CADPS2: variants seen among roughly 807,000 people sequenced by gnomAD.
The protein encoded by CADPS2 is calcium dependent secretion activator 2.
In CADPS2, 93 loss-of-function variants were observed where a neutral mutation model predicts 172.5. The ratio of observed to expected loss-of-function variants is 0.54; its 90% CI spans 0.46 to 0.64. The LOEUF is 0.64. CADPS2 is among the 30% of genes least tolerant of loss of function. The pLI is 0.00. For synonymous variants in CADPS2, 546 were observed against 555.2 expected (o/e 0.98, Z 0.23); for missense variants, 1,420 against 1,565.9 (o/e 0.91, Z 1.57).
At chr7:122,524,018 G>A (rs2061013907) in intron 8 of CADPS2, among the ~76,000 whole-genome samples, 1 of 152,078 alleles carries the variant, frequency 6.6e-6, no homozygotes, top group South Asian at 2.1e-4. Context: ...GCATCTCTTG[G>A]CAAAAAGTCT....
chr7:122,782,628 C>T (rs1323453227), intron 1 of CADPS2, among the ~76,000 whole-genome samples: 1 of 152,092 alleles, frequency 6.6e-6, no homozygotes, highest in Non-Finnish European at 1.5e-5. Context: ...ACAACAACAA[C>T]AACAAAAAAT....
intron 1 of CADPS2, among the ~76,000 whole-genome samples, chr7:122,876,528 A>AT (rs1259940587): frequency 6.6e-6 from 1 of 151,460 alleles, no homozygotes; most frequent in African/African-American, 2.4e-5. Context: ...TGCTTGACTA[A>AT]TTTTTTCTAT....
chr7:122,877,121 C>T (rs1277896089), intron 1 of CADPS2, among the ~76,000 whole-genome samples: 1 of 151,946 alleles, frequency 6.6e-6, no homozygotes, highest in African/African-American at 2.4e-5. Flanking sequence ...GCTTTAATAA[C>T]AGGAAACCTA....
rs2093112795 is a variant in CADPS2, at chr7:122,755,303, T to C, written c.340-18235A>G. Among the ~76,000 whole-genome samples the C allele has an allele frequency of 2.0e-5, 3 of 152,332 alleles. No individual in the cohort carries two copies. The South Asian group carries it at 6.2e-4, about 32-fold the overall frequency. The stretch of plus-strand genomic sequence containing the variant: ...AATTCATCTTAAACTTAAAAGGCTA[T>C]GAAGTTTAAGATCTTCAAAATTATT... On this transcript the variant is annotated intron_variant, in intron 1 of 29. Coordinates refer to ENST00000449022, the MANE Select transcript of CADPS2 (RefSeq NM_017954.11).
At chr7:122,421,624 G>T (rs2048541085) in intron 17 of CADPS2, among the ~76,000 whole-genome samples, 1 of 152,150 alleles carries the variant, frequency 6.6e-6, no homozygotes, top group Admixed American at 6.5e-5. Flanking sequence ...TGATTAAAAA[G>T]ATATTATTTC....
chr7:122,576,754 G>A (rs989303723), intron 7 of CADPS2, among the ~76,000 whole-genome samples: 1 of 151,340 alleles, frequency 6.6e-6, no homozygotes, highest in Non-Finnish European at 1.5e-5. Flanking sequence ...GTGATAGTCA[G>A]TGGGTCTCAG....
At chr7:122,770,912 A>G (rs958701703) in intron 1 of CADPS2, among the ~76,000 whole-genome samples, 1 of 152,208 alleles carries the variant, frequency 6.6e-6, no homozygotes, top group Non-Finnish European at 1.5e-5. Flanking sequence ...AAAGCCAGGA[A>G]GCCAGGAAAA....
At chr7:122,321,435 C>T (rs1035520762) in intron 29 of CADPS2, among the ~76,000 whole-genome samples, 3 of 151,694 alleles carry the variant, frequency 2.0e-5, no homozygotes, top group Non-Finnish European at 2.9e-5. Context: ...CCCAAAGTGC[C>T]GGGACTACAG....
intron 27 of CADPS2, among the ~76,000 whole-genome samples, chr7:122,360,089 T>C (rs981634476): frequency 2.6e-5 from 4 of 152,170 alleles, no homozygotes; most frequent in African/African-American, 4.8e-5. Context: ...TCTTTGAAAA[T>C]TGACATATAT....
At chr7:122,561,072 ATCATGGCT>A (rs2065696978) in intron 7 of CADPS2, among the ~76,000 whole-genome samples, 1 of 152,164 alleles carries the variant, frequency 6.6e-6, no homozygotes, top group East Asian at 1.9e-4. Flanking sequence ...TTGATTTAAT[ATCATGGCT>A]TCCTGTCCTA....
At chr7:122,826,171 T>C (rs1048002021) in intron 1 of CADPS2, among the ~76,000 whole-genome samples, 4 of 152,134 alleles carry the variant, frequency 2.6e-5, no homozygotes, top group Admixed American at 2.0e-4. Context: ...CATCTGTAGA[T>C]AGGAGACAGG....
intron 17 of CADPS2, among the ~76,000 whole-genome samples, chr7:122,424,695 C>T (rs1014646110): frequency 4.6e-5 from 7 of 152,140 alleles, no homozygotes; most frequent in Non-Finnish European, 8.8e-5. Flanking sequence ...ATTTATGAGG[C>T]GGGAAACACA....
intron 4 of CADPS2, among the ~76,000 whole-genome samples, chr7:122,628,928 A>AT (rs1392885922): frequency 6.6e-6 from 1 of 151,564 alleles, no homozygotes; most frequent in Non-Finnish European, 1.5e-5. Context: ...CCCTGGTTAT[A>AT]TTTTGCTTAG....
At position 122,710,836 on chromosome 7, in the gene CADPS2, T is replaced by A. The variant is rs1430243414; in HGVS notation, c.453+26119A>T. Among the ~76,000 whole-genome samples, 7 of 152,258 alleles carry A rather than the reference T, an allele frequency of 4.6e-5. No homozygotes were observed. The East Asian group carries it at 1.4e-3, about 30-fold the overall frequency. On this transcript the variant is annotated intron_variant, in intron 2 of 29. Coordinates refer to ENST00000449022, the MANE Select transcript of CADPS2 (RefSeq NM_017954.11). ...AATTAGAGGCATATATGTCTGTCTATACTTTCACTTGGTTTAGAATATCTT... is the reference window on the plus strand; with the variant it reads ...AATTAGAGGCATATATGTCTGTCTAAACTTTCACTTGGTTTAGAATATCTT...
At chr7:122,761,920 C>A (rs1163798931) in intron 1 of CADPS2, among the ~76,000 whole-genome samples, 5 of 148,408 alleles carry the variant, frequency 3.4e-5, no homozygotes, top group Non-Finnish European at 7.4e-5. Context: ...TTCTCTTGAA[C>A]CCAGGAGGCA....
intron 1 of CADPS2, among the ~76,000 whole-genome samples, chr7:122,744,300 C>T (rs78641167): frequency 8.5e-5 from 13 of 152,256 alleles, no homozygotes; most frequent in Middle Eastern, 3.4e-3. Context: ...AACCCTAGAC[C>T]ACCTACCTCC....
intron 1 of CADPS2, among the ~76,000 whole-genome samples, chr7:122,740,062 T>G (rs1415946295): frequency 2.0e-5 from 3 of 152,000 alleles, no homozygotes; most frequent in African/African-American, 7.2e-5. Context: ...AAGAACAAAA[T>G]CCAGAACACA....
intron 2 of CADPS2, among the ~76,000 whole-genome samples, chr7:122,712,830 A>G (rs1301681512): frequency 6.6e-6 from 1 of 152,016 alleles, no homozygotes; most frequent in East Asian, 1.9e-4. Flanking sequence ...TACATTGTGG[A>G]AAGAGTAAGG....
At position 122,697,726 on chromosome 7, in the gene CADPS2, T is replaced by C. The variant is rs538884244; in HGVS notation, c.454-34157A>G. 6 of 1,225,606 alleles carry C rather than the reference T, an allele frequency of 4.9e-6. No homozygotes were observed. In the African/African-American group the frequency reaches 6.1e-5, roughly 12 times the overall value. The allele number at this position is 1,225,606 out of a possible 1,614,324, so 75.9% of individuals were successfully genotyped here. The stretch of plus-strand genomic sequence containing the variant: ...ACCACACTTCAAACAGACAAACTGC[T>C]TGTCAGTATTAGGACCTGATTTCAC... On this transcript the variant is annotated intron_variant, in intron 2 of 29. Coordinates refer to ENST00000449022, the MANE Select transcript of CADPS2 (RefSeq NM_017954.11).
Sources: gnomAD v4.1 joint callset for allele counts (sites outside exome capture counted in the v4.1 genomes callset) on GRCh38, gnomAD v4.1.1 for gene constraint, MANE v1.5 for transcripts, NCBI Gene and HGNC (gene_info 2026-07-23, HGNC 2026-07-21) for gene names.